The following MACROD2 variants were observed in gnomAD, a reference collection of about 807,000 sequenced individuals.
MACROD2 encodes the protein ADP-ribose glycohydrolase MACROD2.
A neutral mutation model predicts 70.4 loss-of-function variants in MACROD2; 36 were observed. The ratio of observed to expected loss-of-function variants is 0.51; its 90% CI spans 0.39 to 0.68. MACROD2 has a LOEUF of 0.68. Among genes scored for constraint, MACROD2 ranks in the 30% least tolerant of loss-of-function variants. The pLI, the probability that MACROD2 is intolerant of heterozygous loss-of-function variation, is 0.00. For synonymous variants in MACROD2, 172 were observed against 178.8 expected (o/e 0.96, Z 0.30); for missense variants, 496 against 538.4 (o/e 0.92, Z 0.78).
intron 7 of MACROD2, among the ~76,000 whole-genome samples, chr20:15,477,330 A>G (rs770845376): frequency 1.1e-4 from 17 of 152,040 alleles, no homozygotes; most frequent in Non-Finnish European, 4.4e-5. Context: ...CCTGGCCTCA[A>G]GTGATCCTTC....
chr20:14,339,699 G>T (rs2082994239), intron 3 of MACROD2, among the ~76,000 whole-genome samples: 1 of 152,116 alleles, frequency 6.6e-6, no homozygotes, highest in Non-Finnish European at 1.5e-5. Flanking sequence ...GTTGCCCTAG[G>T]CTTTGGTTTC....
intron 8 of MACROD2, among the ~76,000 whole-genome samples, chr20:15,577,322 C>A (rs75822195): frequency 6.6e-6 from 1 of 151,978 alleles, no homozygotes; most frequent in African/African-American, 2.4e-5. Flanking sequence ...TCATATCTAC[C>A]CCAACCCCAC....
At chr20:15,976,299 T>C (rs2066305077) in intron 13 of MACROD2, among the ~76,000 whole-genome samples, 1 of 152,148 alleles carries the variant, frequency 6.6e-6, no homozygotes, top group Non-Finnish European at 1.5e-5. Context: ...GATCTATTTC[T>C]AAAGAAAAGC....
chr20:14,668,731 AT>A (rs2123554698), intron 4 of MACROD2, among the ~76,000 whole-genome samples: 1 of 152,278 alleles, frequency 6.6e-6, no homozygotes, highest in South Asian at 2.1e-4. Flanking sequence ...ATAGATTAAA[AT>A]TTTTTAATGC....
intron 8 of MACROD2, among the ~76,000 whole-genome samples, chr20:15,842,457 CT>C (rs2064181603): frequency 8.1e-6 from 1 of 123,524 alleles, no homozygotes; most frequent in Non-Finnish European, 1.6e-5. Flanking sequence ...ACCTTTCATC[CT>C]TTTTTTCATC....
intron 5 of MACROD2, among the ~76,000 whole-genome samples, chr20:14,952,393 A>G (rs2074483014): frequency 6.6e-6 from 1 of 152,198 alleles, no homozygotes; most frequent in Admixed American, 6.5e-5. Flanking sequence ...TGAAGTGTTA[A>G]CATCTATGCT....
intron 8 of MACROD2, among the ~76,000 whole-genome samples, chr20:15,688,878 A>C (rs1318230254): frequency 6.6e-6 from 1 of 152,256 alleles, no homozygotes; most frequent in Non-Finnish European, 1.5e-5. Context: ...ACGGTTAGTA[A>C]TGCTTTTTAA....
At chr20:15,288,143 TA>T (rs2077508584) in intron 6 of MACROD2, among the ~76,000 whole-genome samples, 1 of 152,220 alleles carries the variant, frequency 6.6e-6, no homozygotes, top group Non-Finnish European at 1.5e-5. Context: ...CAATGCAAAG[TA>T]GCTTTAGAAA....
chr20:14,020,654 T>G (rs1285264545), intron 2 of MACROD2, among the ~76,000 whole-genome samples: 1 of 152,178 alleles, frequency 6.6e-6, no homozygotes, highest in Non-Finnish European at 1.5e-5. Flanking sequence ...TGTTTTTCGT[T>G]TTATTTATTG....
intron 7 of MACROD2, among the ~76,000 whole-genome samples, chr20:15,480,407 A>G (rs2047081576): frequency 6.6e-6 from 1 of 152,106 alleles, no homozygotes; most frequent in Non-Finnish European, 1.5e-5. Context: ...TGCCATTTCT[A>G]TGTGTGCCCC....
At chr20:14,290,871 T>G (rs2122446804) in intron 3 of MACROD2, among the ~76,000 whole-genome samples, 1 of 152,346 alleles carries the variant, frequency 6.6e-6, no homozygotes, top group South Asian at 2.1e-4. Context: ...TTTAGGAGTT[T>G]CTAAAGCAGG....
intron 5 of MACROD2, among the ~76,000 whole-genome samples, chr20:14,791,838 A>G (rs1283257830): frequency 6.6e-6 from 1 of 151,716 alleles, no homozygotes; most frequent in Non-Finnish European, 1.5e-5. Context: ...ATGCATTTAT[A>G]TTATATATAA....
intron 3 of MACROD2, among the ~76,000 whole-genome samples, chr20:14,335,661 C>T (rs1374143869): frequency 2.6e-5 from 4 of 152,002 alleles, no homozygotes; most frequent in Non-Finnish European, 5.9e-5. Flanking sequence ...ATGAAAAACC[C>T]AATTAGTAAC....
intron 1 of MACROD2, among the ~76,000 whole-genome samples, chr20:14,000,337 T>A (rs1458131694): frequency 6.6e-6 from 1 of 152,152 alleles, no homozygotes; most frequent in Non-Finnish European, 1.5e-5. Flanking sequence ...TTTTGTCTCC[T>A]AATGTGGCTG....
chr20:14,597,040 A>C (rs747521562), intron 4 of MACROD2, among the ~76,000 whole-genome samples: 1 of 152,216 alleles, frequency 6.6e-6, no homozygotes, highest in Admixed American at 6.5e-5. Context: ...TGACCGTTTT[A>C]TCTTACAAAT....
At chr20:15,079,487 A>G (rs2075686110) in intron 5 of MACROD2, among the ~76,000 whole-genome samples, 1 of 151,980 alleles carries the variant, frequency 6.6e-6, no homozygotes, top group South Asian at 2.1e-4. Context: ...TTTGACTACT[A>G]CTTCTTATCT....
chr20:14,725,044 G>T (rs1432589844), intron 5 of MACROD2, among the ~76,000 whole-genome samples: 1 of 152,112 alleles, frequency 6.6e-6, no homozygotes, highest in Non-Finnish European at 1.5e-5. Flanking sequence ...TGTTTTGGGG[G>T]TGAAGTCAAC....
intron 15 of MACROD2, among the ~76,000 whole-genome samples, chr20:16,016,431 T>C (rs2066929809): frequency 6.6e-6 from 1 of 152,238 alleles, no homozygotes; most frequent in Non-Finnish European, 1.5e-5. Flanking sequence ...CTATCACTTT[T>C]TGGCTATTGC....
chr20:15,855,788 C>T (rs2064349988), intron 8 of MACROD2, among the ~76,000 whole-genome samples: 1 of 151,998 alleles, frequency 6.6e-6, no homozygotes, highest in Admixed American at 6.6e-5. Context: ...AGTGTGTCCT[C>T]TTTTTTTTCT....
Sources: gnomAD v4.1 joint callset for allele counts (sites outside exome capture counted in the v4.1 genomes callset) on GRCh38, gnomAD v4.1.1 for gene constraint, MANE v1.5 for transcripts, NCBI Gene and HGNC (gene_info 2026-07-23, HGNC 2026-07-21) for gene names.